The following SIK3 variants were observed in gnomAD, a reference collection of about 807,000 sequenced individuals.
SIK3 encodes serine/threonine-protein kinase SIK3.
Under a neutral mutation model 144.2 loss-of-function variants are expected in SIK3, and 28 were observed. The observed-to-expected ratio is 0.19, with a 90% CI of 0.14 to 0.27. The LOEUF (loss-of-function observed/expected upper bound fraction) is 0.27. Among genes scored for constraint, SIK3 ranks in the 10% least tolerant of loss-of-function variants. SIK3 has a pLI of 1.00. For synonymous variants in SIK3, 686 were observed against 676.3 expected, an observed-to-expected ratio of 1.01 and a Z score of -0.22; for missense variants, 1,319 against 1,776.0, an observed-to-expected ratio of 0.74 and a Z score of 4.62.
At chr11:116,859,924 G>C (rs1446002172) in intron 19 of SIK3, among the ~76,000 whole-genome samples, 1 of 152,168 alleles carries the variant, frequency 6.6e-6, no homozygotes, top group East Asian at 1.9e-4. Flanking sequence ...ACTTTCACAT[G>C]CACACAAATG....
intron 1 of SIK3, among the ~76,000 whole-genome samples, chr11:117,015,680 T>C (rs1220876819): frequency 6.6e-6 from 1 of 152,124 alleles, no homozygotes; most frequent in Non-Finnish European, 1.5e-5. Flanking sequence ...GTTCAAGTGA[T>C]TCTCCTGCCT....
chr11:116,932,312 A>T (rs923882329), intron 3 of SIK3, among the ~76,000 whole-genome samples: 25 of 152,220 alleles, frequency 1.6e-4, no homozygotes, highest in Non-Finnish European at 4.4e-5. Flanking sequence ...AGGAAGTTGC[A>T]AAGACAGTGC....
At chr11:116,850,898 A>C (rs988264122) in intron 21 of SIK3, among the ~76,000 whole-genome samples, 1 of 152,178 alleles carries the variant, frequency 6.6e-6, no homozygotes, top group African/African-American at 2.4e-5. Context: ...AGTCCCAGCT[A>C]CTCAGGAGGC....
At chr11:116,850,919 G>A (rs1403909327) in intron 21 of SIK3, among the ~76,000 whole-genome samples, 1 of 152,196 alleles carries the variant, frequency 6.6e-6, no homozygotes, top group African/African-American at 2.4e-5. Context: ...TGAGGCAGGG[G>A]AATTGCTTGA....
chr11:117,020,759 C>T (rs1017719276), intron 1 of SIK3, among the ~76,000 whole-genome samples: 9 of 152,176 alleles, frequency 5.9e-5, no homozygotes, highest in Admixed American at 2.0e-4. Flanking sequence ...CAGGCTTTGC[C>T]CTGGGTATCT....
chr11:116,932,108 T>C (rs1401617806), intron 3 of SIK3, among the ~76,000 whole-genome samples: 1 of 152,142 alleles, frequency 6.6e-6, no homozygotes, highest in Non-Finnish European at 1.5e-5. Context: ...TAACTCTACG[T>C]TCAAATCATA....
At chr11:117,022,174 T>C (rs1249670077) in intron 1 of SIK3, among the ~76,000 whole-genome samples, 1 of 152,070 alleles carries the variant, frequency 6.6e-6, no homozygotes, top group Non-Finnish European at 1.5e-5. Context: ...CTTTTTATTA[T>C]ACAAGTAAAT....
chr11:116,978,267 T>C (rs1303071173), intron 1 of SIK3, among the ~76,000 whole-genome samples: 1 of 152,068 alleles, frequency 6.6e-6, no homozygotes, highest in Non-Finnish European at 1.5e-5. Context: ...GAAAAAAGAA[T>C]CACCTCAGGG....
At chr11:116,896,823 T>G (rs1945427257) in intron 5 of SIK3, among the ~76,000 whole-genome samples, 2 of 152,082 alleles carry the variant, frequency 1.3e-5, no homozygotes, top group African/African-American at 4.8e-5. Flanking sequence ...GTCAGGAGTT[T>G]GAGACCAGCC....
In SIK3 at chr11:116,846,406, GCCTGCT is replaced by G. The variant is rs1941960836; in HGVS notation, c.4094_4099del (p.Glu1365_Gln1366del). 3 of 1,614,144 alleles carry G rather than the reference GCCTGCT, an allele frequency of 1.9e-6. No individual in the cohort carries two copies. The highest frequency in any genetic ancestry group is 2.5e-6 in the Non-Finnish European group (3 of 1,180,026). On this transcript the variant is annotated inframe_deletion, in exon 24 of 25. Transcript: ENST00000445177. The surrounding 1 kb of genome is among the most constrained non-coding windows in gnomAD (Gnocchi z 4.1). ...ACTCTCTGTTTCTTGTTACACGCCT[GCCTGCT>G]CCATGCTGAAGGAGACTTCGGGGTG...
intron 4 of SIK3, among the ~76,000 whole-genome samples, chr11:116,919,414 T>G (rs1445238354): frequency 6.6e-6 from 1 of 152,208 alleles, no homozygotes; most frequent in African/African-American, 2.4e-5. Flanking sequence ...ATAGTTGCAT[T>G]TCTGATCTTT....
intron 3 of SIK3, among the ~76,000 whole-genome samples, chr11:116,945,550 C>G (rs1948550056): frequency 6.6e-6 from 1 of 151,934 alleles, no homozygotes. Context: ...TATTTAAGAT[C>G]AGTCATCCTG....
chr11:117,038,856 C>T (rs1355584998), intron 1 of SIK3, among the ~76,000 whole-genome samples: 1 of 151,788 alleles, frequency 6.6e-6, no homozygotes, highest in Non-Finnish European at 1.5e-5. Flanking sequence ...TCAAGACCAT[C>T]CTGGCCAAAA....
chr11:117,056,161 G>T (rs1953507630), intron 1 of SIK3, among the ~76,000 whole-genome samples: 1 of 152,142 alleles, frequency 6.6e-6, no homozygotes, highest in Admixed American at 6.6e-5. Context: ...TTAAGAAAAT[G>T]TGGCACATAT....
chr11:116,855,356 A>C lies in SIK3; in HGVS notation c.3655+2454T>G, dbSNP rs1942819696. On this transcript the variant is annotated intron_variant, in intron 21 of 24. Transcript: ENST00000445177. ...ACAGGCTACTTATTGCTGGAAACCT[A>C]CGTTGTTCCTTGGATTGAAGTAATC... 2 of 152,156 alleles carry C rather than the reference A, an allele frequency of 1.3e-5. 1 individual carries two copies. Among genetic ancestry groups the C allele is most frequent in the South Asian group, 4.1e-4 (2 of 4,828 alleles). The allele number at this position is 152,156 out of a possible 1,614,324, so 9.4% of individuals were successfully genotyped here. A position where few individuals can be genotyped will look rare whatever the true frequency, so the allele number is the denominator to read the frequency against.
At chr11:116,988,836 T>C (rs1950408356) in intron 1 of SIK3, among the ~76,000 whole-genome samples, 2 of 150,596 alleles carry the variant, frequency 1.3e-5, no homozygotes, top group African/African-American at 4.9e-5. Context: ...TGTATAAATA[T>C]AAATGTGTGA....
At chr11:117,020,246 T>TACACATATATATATATATACACAC (rs1555130053) in intron 1 of SIK3, among the ~76,000 whole-genome samples, 1 of 127,236 alleles carries the variant, frequency 7.9e-6, no homozygotes, top group Non-Finnish European at 1.6e-5. Context: ...CATATATATA[T>TACACATATATATATATATACACAC]ACACATACAT....
intron 1 of SIK3, among the ~76,000 whole-genome samples, chr11:116,983,727 G>A (rs1329714114): frequency 2.0e-5 from 3 of 152,160 alleles, no homozygotes; most frequent in Non-Finnish European, 4.4e-5. Context: ...ACTATTGGGA[G>A]CTGTGCCCCT....
intron 1 of SIK3, among the ~76,000 whole-genome samples, chr11:116,966,583 T>C (rs369758791): frequency 6.6e-6 from 1 of 152,216 alleles, no homozygotes; most frequent in Non-Finnish European, 1.5e-5. Flanking sequence ...CATGGTGTCA[T>C]GTTGGCACTC....
Sources: gnomAD v4.1 joint callset for allele counts (sites outside exome capture counted in the v4.1 genomes callset) on GRCh38, gnomAD v4.1.1 for gene constraint, Gnocchi (gnomAD v3.1) non-coding constraint, MANE v1.5 for transcripts, NCBI Gene and HGNC (gene_info 2026-07-23, HGNC 2026-07-21) for gene names.